TET2: variants seen among roughly 807,000 people sequenced by gnomAD.
TET2 encodes tet methylcytosine dioxygenase 2.
Under a neutral mutation model 142.9 loss-of-function variants are expected in TET2, and 299 were observed. That is an observed-to-expected ratio of 2.09 (90% confidence interval 1.90 to 2.30). TET2 has a LOEUF of 2.30. Ranked by LOEUF, TET2 falls within the 30% of genes most tolerant of loss-of-function variation. The probability of loss-of-function intolerance (pLI) is 0.00; values close to 1 mark genes in which losing one functional copy is unlikely to be tolerated. For synonymous variants in TET2, 819 were observed against 849.0 expected (o/e 0.96, Z 0.61); for missense variants, 2,418 against 2,378.0 (o/e 1.02, Z -0.35).
In TET2 at chr4:105,237,301, TG is replaced by T; in HGVS notation, c.3361del (p.Asp1121IlefsTer16). 1 of 1,614,172 alleles carries T rather than the reference TG, an allele frequency of 6.2e-7. No individual in the cohort carries two copies. Among genetic ancestry groups the T allele is most frequent in the Non-Finnish European group, 8.5e-7 (1 of 1,179,966 alleles). On this transcript the variant is annotated frameshift_variant, in exon 3 of 11. Coordinates refer to ENST00000380013, the MANE Select transcript of TET2 (RefSeq NM_001127208.3). LOFTEE classifies it high-confidence loss of function. ...CTAGATACTCCTATAAAAAATTTAT[TG>T]GATACACCTGTCAAGACTCAATATG... ...KLLDTPIKNL[L>X]DTPVKTQYDF... is the part of the protein sequence containing the mutation.
At chr4:105,188,771 G>A (rs1286453366) in intron 1 of TET2, among the ~76,000 whole-genome samples, 4 of 152,044 alleles carry the variant, frequency 2.6e-5, no homozygotes, top group Non-Finnish European at 5.9e-5. Context: ...ATTTTGTATG[G>A]TTTTATATAT....
chr4:105,241,658 G>A (rs1323569896), intron 4 of TET2: 5 of 1,280,088 alleles, frequency 3.9e-6, no homozygotes, highest in Non-Finnish European at 4.0e-6. Flanking sequence ...ACTTTGCGAT[G>A]GATGCCAGAA....
chr4:105,165,128 A>G (rs1247421827), intron 1 of TET2, among the ~76,000 whole-genome samples: 3 of 152,090 alleles, frequency 2.0e-5, no homozygotes, highest in African/African-American at 7.3e-5. Flanking sequence ...TAATTCCAGC[A>G]CTTTGGGAGG....
chr4:105,266,784 A>C (rs1179328965), intron 8 of TET2, among the ~76,000 whole-genome samples: 1 of 152,098 alleles, frequency 6.6e-6, no homozygotes, highest in African/African-American at 2.4e-5. Flanking sequence ...TATATGTGTA[A>C]TTGGAGTACC....
At position 105,269,682 on chromosome 4, in the gene TET2, G is replaced by C. The variant is rs764527838; in HGVS notation, c.4117G>C (p.Ala1373Pro). 6.4e-7 allele frequency: 1 copy of C among 1,551,642 alleles called. No homozygotes were observed. Among genetic ancestry groups the C allele is most frequent in the Non-Finnish European group, 8.7e-7 (1 of 1,146,944 alleles). The change falls in exon 9 of 11, where the codon GCA (alanine) becomes CCA (proline). Residue 1373 changes from alanine to proline, a missense_variant. Physicochemically the swap from Ala to Pro is conservative, Grantham distance 27 (BLOSUM62 -1). Coordinates refer to ENST00000380013, the MANE Select transcript of TET2 (RefSeq NM_001127208.3). ...AGGCCGTCCATTCTCAGGGGTCACT[G>C]CATGTTTGGACTTCTGTGCTCATGC... is the stretch of plus-strand genomic sequence containing the variant. ...KEGRPFSGVT[A>P]CLDFCAHAHR...
intron 7 of TET2, among the ~76,000 whole-genome samples, chr4:105,260,233 ACT>A (rs147878820): frequency 0.014 from 2,063 of 150,106 alleles, 45 homozygotes; most frequent in African/African-American, 0.045. Context: ...TTTTAATATA[ACT>A]CTGTAATGGA....
At chr4:105,244,584 ATGTTTT>A (rs1385506154) in intron 6 of TET2, among the ~76,000 whole-genome samples, 17 of 116,766 alleles carry the variant, frequency 1.5e-4, no homozygotes, top group South Asian at 2.7e-4. Context: ...CTACACAGAA[ATGTTTT>A]TTTTTTTTTT....
rs1578742214 is a variant in TET2 at position 105,276,417 on chromosome 4, GTC to G, written c.5911_5912del (p.Leu1971CysfsTer43). On this transcript the variant is annotated frameshift_variant, in exon 11 of 11. Coordinates refer to ENST00000380013, the MANE Select transcript of TET2 (RefSeq NM_001127208.3). LOFTEE classifies it high-confidence loss of function. ...SEPTYLRFIK[S>X]LAERTMSVTT... is the part of the protein sequence containing the mutation. ...AGCCCACTTACCTGCGTTTCATCAAGTCTCTTGCCGAAAGGACCATGTCCGTG... is the reference window on the plus strand; with the variant it reads ...AGCCCACTTACCTGCGTTTCATCAAGTCTTGCCGAAAGGACCATGTCCGTG... The G allele has an allele frequency of 6.4e-7, 1 of 1,551,942 alleles. No homozygotes were observed. Among genetic ancestry groups the G allele is most frequent in the Non-Finnish European group, 8.7e-7 (1 of 1,147,050 alleles).
chr4:105,242,990 C>A lies in TET2; in HGVS notation c.3594+63C>A. On this transcript the variant is annotated intron_variant, in intron 5 of 10. Coordinates refer to ENST00000380013, the MANE Select transcript of TET2 (RefSeq NM_001127208.3). ...TGGGCATTTTGATTTGTAAATCTGA[C>A]CCTGAGAATTGGGTTACCCAGATCA... is the stretch of plus-strand genomic sequence containing the variant. The A allele has an allele frequency of 5.1e-6, 7 of 1,364,964 alleles. 1 individual carries two copies. The South Asian group carries it at 8.8e-5, about 17-fold the overall frequency. The allele number at this position is 1,364,964 out of a possible 1,614,324, so 84.6% of individuals were successfully genotyped here.
In TET2 at chr4:105,236,267, C is replaced by G; in HGVS notation, c.2325C>G (p.Phe775Leu). The G allele has an allele frequency of 1.2e-6, 2 of 1,614,110 alleles. No homozygotes were observed. Among genetic ancestry groups the G allele is most frequent in the Non-Finnish European group, 1.7e-6 (2 of 1,180,016 alleles). The change falls in exon 3 of 11, where the codon TTC becomes TTG. Residue 775 changes from phenylalanine (F) to leucine (L), a missense_variant. By Grantham distance (22) the Phe-to-Leu change is conservative (BLOSUM62 0). Coordinates refer to ENST00000380013, the MANE Select transcript of TET2 (RefSeq NM_001127208.3). Reference sequence around the variant, plus strand: ...ATGATCAGCAAAGAGAAGGATCATTCTTTGGCCAGACTAAAGTGGAAGAAT... The same window carrying G: ...ATGATCAGCAAAGAGAAGGATCATTGTTTGGCCAGACTAAAGTGGAAGAAT... ...SNNDQQREGS[F>L]FGQTKVEECF...
chr4:105,208,724 A>G (rs1427583583), intron 2 of TET2, among the ~76,000 whole-genome samples: 1 of 151,996 alleles, frequency 6.6e-6, no homozygotes. Context: ...GTTTCCAATT[A>G]ATCTCAAAGT....
At chr4:105,167,727 A>G (rs998163684) in intron 1 of TET2, among the ~76,000 whole-genome samples, 2 of 152,172 alleles carry the variant, frequency 1.3e-5, no homozygotes, top group Non-Finnish European at 2.9e-5. Context: ...TCTAAGGTGT[A>G]ACTATTTTCA....
At chr4:105,183,404 C>A (rs1181098087) in intron 1 of TET2, among the ~76,000 whole-genome samples, 4 of 151,924 alleles carry the variant, frequency 2.6e-5, no homozygotes, top group South Asian at 2.1e-4. Flanking sequence ...TATAATTTTG[C>A]TTGTGTTTTT....
intron 1 of TET2, among the ~76,000 whole-genome samples, chr4:105,170,535 C>T (rs999066767): frequency 6.6e-6 from 1 of 152,134 alleles, no homozygotes; most frequent in African/African-American, 2.4e-5. Context: ...ATTTTTACTG[C>T]TTTTCTCTTT....
At chr4:105,159,814 G>T (rs1416632608) in intron 1 of TET2, among the ~76,000 whole-genome samples, 2 of 152,066 alleles carry the variant, frequency 1.3e-5, no homozygotes, top group African/African-American at 2.4e-5. Context: ...GATCATCCTG[G>T]CCAACACGGT....
intron 1 of TET2, among the ~76,000 whole-genome samples, chr4:105,155,505 A>G (rs1407983869): frequency 6.6e-6 from 1 of 152,236 alleles, no homozygotes; most frequent in Admixed American, 6.5e-5. Flanking sequence ...ACTAGTCCCT[A>G]TGGAACTATG....
At chr4:105,226,583 C>T (rs1728205340) in intron 2 of TET2, among the ~76,000 whole-genome samples, 1 of 151,102 alleles carries the variant, frequency 6.6e-6, no homozygotes. Context: ...TGTGGCACGT[C>T]CCCCTCCCTG....
chr4:105,216,038 A>G (rs1471880597), intron 2 of TET2, among the ~76,000 whole-genome samples: 1 of 152,124 alleles, frequency 6.6e-6, no homozygotes, highest in Non-Finnish European at 1.5e-5. Context: ...TTCTCCCCTT[A>G]AATAAAGTTA....
At chr4:105,241,124 A>G in intron 3 of TET2, 1 of 1,141,498 alleles carries the variant, frequency 8.8e-7, no homozygotes, top group Non-Finnish European at 1.1e-6. Flanking sequence ...GAAATGTAAT[A>G]TATTTTTATC....
Sources: gnomAD v4.1 joint callset for allele counts (sites outside exome capture counted in the v4.1 genomes callset) on GRCh38, gnomAD v4.1.1 for gene constraint, MANE v1.5 for transcripts, NCBI Gene and HGNC (gene_info 2026-07-23, HGNC 2026-07-21) for gene names.